Variants in NYAP2 observed in about 807,000 individuals in gnomAD.
NYAP2 encodes the protein neuronal tyrosine-phosphorylated phosphoinositide-3-kinase adaptor 2, also known as neuronal tyrosine-phosphorylated phosphoinositide-3-kinase adapter 2.
Under a neutral mutation model 50.4 loss-of-function variants are expected in NYAP2, and 23 were observed. That is an observed-to-expected ratio of 0.46 (90% CI 0.33 to 0.65). The LOEUF is 0.65. NYAP2 is among the 30% of genes least tolerant of loss of function. The pLI is 0.02. For synonymous variants in NYAP2, 394 were observed against 365.2 expected (o/e 1.08, Z -0.90); for missense variants, 885 against 861.0 (o/e 1.03, Z -0.35).
the NYAP2 span, among the ~76,000 whole-genome samples, chr2:225,668,229 T>C: frequency 6.6e-6 from 1 of 152,086 alleles, no homozygotes; most frequent in Non-Finnish European, 1.5e-5. Flanking sequence ...AGAATGTCCC[T>C]TTGTCTGATT....
At chr2:225,476,433 T>C (rs1346705058) in intron 3 of NYAP2, among the ~76,000 whole-genome samples, 3 of 151,844 alleles carry the variant, frequency 2.0e-5, no homozygotes, top group Non-Finnish European at 4.4e-5. Flanking sequence ...AAAAAAAATT[T>C]ACTTAAAAAA....
the NYAP2 span, among the ~76,000 whole-genome samples, chr2:225,690,036 G>A: frequency 6.6e-6 from 1 of 151,874 alleles, no homozygotes; most frequent in Middle Eastern, 3.2e-3. Context: ...AGCTTCATTC[G>A]GCCTTCATAA....
chr2:225,551,299 A>C (rs1044542821), intron 4 of NYAP2, among the ~76,000 whole-genome samples: 1 of 152,220 alleles, frequency 6.6e-6, no homozygotes, highest in Non-Finnish European at 1.5e-5. Context: ...CATGATAAAT[A>C]CTTGCATATC....
intron 3 of NYAP2, among the ~76,000 whole-genome samples, chr2:225,446,127 G>A (rs1289158025): frequency 1.3e-5 from 2 of 151,314 alleles, no homozygotes; most frequent in African/African-American, 4.9e-5. Context: ...GTTGCAGTGA[G>A]CCCAGATTGC....
intron 4 of NYAP2, among the ~76,000 whole-genome samples, chr2:225,525,529 A>G (rs1252718366): frequency 2.0e-5 from 3 of 152,186 alleles, no homozygotes; most frequent in Admixed American, 2.0e-4. Context: ...ACAGGAAGTC[A>G]TATACCTCAT....
intron 3 of NYAP2, among the ~76,000 whole-genome samples, chr2:225,476,344 C>T (rs1009710543): frequency 2.0e-5 from 3 of 150,120 alleles, no homozygotes; most frequent in Non-Finnish European, 3.0e-5. Context: ...ACCCGGGAGG[C>T]GGAGCTTGCA....
chr2:225,671,306 T>C, the NYAP2 span, among the ~76,000 whole-genome samples: 57 of 152,316 alleles, frequency 3.7e-4, no homozygotes, highest in African/African-American at 1.2e-3. Context: ...TGTGATATTC[T>C]AAATCCTTTC....
At chr2:225,659,258 T>C in the NYAP2 span, among the ~76,000 whole-genome samples, 1 of 152,094 alleles carries the variant, frequency 6.6e-6, no homozygotes, top group East Asian at 1.9e-4. Flanking sequence ...GAGCTACAGG[T>C]GTGAAGTAGC....
chr2:225,655,933 CACAT>C (rs1693817988), downstream of NYAP2, among the ~76,000 whole-genome samples: 12 of 147,336 alleles, frequency 8.1e-5, no homozygotes, highest in African/African-American at 2.2e-4. Context: ...CACACATACA[CACAT>C]ACACACACAC....
chr2:225,640,595 C>T (rs1559237623), intron 6 of NYAP2, among the ~76,000 whole-genome samples: 1 of 151,994 alleles, frequency 6.6e-6, no homozygotes, highest in African/African-American at 2.4e-5. Flanking sequence ...GTTCTTATTC[C>T]CATTTTTTTT....
rs193187387 is a variant in NYAP2, at chr2:225,562,247, A to G, written c.524-19694A>G. ...TGTGTGGGCATATGACAAATGACAC[A>G]CAAATGAGGAAAAACAATTCTTCCC... is the stretch of plus-strand genomic sequence containing the variant. On this transcript the variant is annotated intron_variant, in intron 4 of 6. Coordinates refer to ENST00000636099, the Ensembl canonical transcript of NYAP2. Among the ~76,000 whole-genome samples the G allele has an allele frequency of 4.0e-3, 603 of 152,276 alleles. 3 individuals are homozygous for G. The highest frequency in any genetic ancestry group is 0.014 in the Admixed American group (212 of 15,274).
chr2:225,500,108 AAATATGTAGAGGAG>A (rs781228450), intron 3 of NYAP2, among the ~76,000 whole-genome samples: 19 of 152,218 alleles, frequency 1.2e-4, no homozygotes, highest in Non-Finnish European at 2.1e-4. Flanking sequence ...AGAGAAATTG[AAATATGTAGAGGAG>A]AAAGACCCAG....
intron 3 of NYAP2, among the ~76,000 whole-genome samples, chr2:225,446,176 A>ATCTC (rs1559181823): frequency 1.2e-5 from 1 of 83,384 alleles, no homozygotes; most frequent in African/African-American, 4.1e-5. Context: ...CTGAGACTCC[A>ATCTC]TCTCTCTGTC....
the NYAP2 span, among the ~76,000 whole-genome samples, chr2:225,695,826 A>G: frequency 6.6e-6 from 1 of 151,940 alleles, no homozygotes; most frequent in Non-Finnish European, 1.5e-5. Flanking sequence ...CTAAAATTTT[A>G]TTTAAAAAGT....
At chr2:225,603,107 A>G (rs940282169) in intron 5 of NYAP2, among the ~76,000 whole-genome samples, 4 of 152,130 alleles carry the variant, frequency 2.6e-5, no homozygotes, top group Admixed American at 2.6e-4. Context: ...TTTTTTAGCA[A>G]TGTTTAAAGT....
At chr2:225,614,299 AAAT>A (rs1692948453) in intron 5 of NYAP2, among the ~76,000 whole-genome samples, 1 of 152,182 alleles carries the variant, frequency 6.6e-6, no homozygotes, top group African/African-American at 2.4e-5. Context: ...GAACATTTTA[AAAT>A]AATCATTTTT....
chr2:225,644,508 T>C (rs1209232288), intron 6 of NYAP2, among the ~76,000 whole-genome samples: 2 of 151,670 alleles, frequency 1.3e-5, no homozygotes, highest in South Asian at 2.1e-4. Flanking sequence ...AGACATGAAG[T>C]CCTTGCCCAT....
At chr2:225,456,870 G>C (rs867814396) in intron 3 of NYAP2, among the ~76,000 whole-genome samples, 100 of 152,126 alleles carry the variant, frequency 6.6e-4, no homozygotes, top group African/African-American at 2.3e-3. Flanking sequence ...GTTTTACTGG[G>C]CCCATTGTAT....
intron 3 of NYAP2, among the ~76,000 whole-genome samples, chr2:225,442,876 C>T (rs1689492788): frequency 6.6e-6 from 1 of 152,126 alleles, no homozygotes; most frequent in Non-Finnish European, 1.5e-5. Flanking sequence ...CGTGCCTGGC[C>T]AGAAAAAGAG....
Sources: allele counts gnomAD v4.1 joint callset (sites outside exome capture counted in the v4.1 genomes callset), GRCh38; gene constraint gnomAD v4.1.1; transcripts MANE v1.5; gene names NCBI Gene and HGNC (gene_info 2026-07-23, HGNC 2026-07-21).